Variants in PCNX2 observed in about 807,000 individuals in gnomAD.
PCNX2 encodes the protein pecanex-like protein 2.
In PCNX2, 168 loss-of-function variants were observed where a neutral mutation model predicts 223.8. The ratio of observed to expected loss-of-function variants is 0.75; its 90% CI spans 0.66 to 0.85. The LOEUF (loss-of-function observed/expected upper bound fraction) is 0.85, where lower values mean the gene tolerates loss of function less well. Among genes scored for constraint, PCNX2 ranks in the 40% least tolerant of loss-of-function variants. The probability of loss-of-function intolerance (pLI) is 0.00; values close to 1 mark genes in which losing one functional copy is unlikely to be tolerated. For missense variants in PCNX2, 2,507 were observed against 2,675.5 expected, an observed-to-expected ratio of 0.94 and a Z score of 1.39; for synonymous variants, 1,006 against 1,052.6, an observed-to-expected ratio of 0.96 and a Z score of 0.86.
intron 21 of PCNX2, among the ~76,000 whole-genome samples, chr1:233,110,353 G>A (rs1219250640): frequency 1.3e-5 from 2 of 152,150 alleles, no homozygotes; most frequent in East Asian, 1.9e-4. Context: ...AGGTCATAGA[G>A]GGACATCTAT....
At chr1:233,137,498 T>C (rs1676878600) in intron 20 of PCNX2, among the ~76,000 whole-genome samples, 1 of 152,248 alleles carries the variant, frequency 6.6e-6, no homozygotes, top group Non-Finnish European at 1.5e-5. Context: ...ATGTTTAACA[T>C]TAAAGGTGTT....
At chr1:233,149,030 G>A (rs1173564433) in intron 19 of PCNX2, among the ~76,000 whole-genome samples, 2 of 152,158 alleles carry the variant, frequency 1.3e-5, no homozygotes, top group African/African-American at 4.8e-5. Context: ...TCCCCAGATT[G>A]TGTTAGGGTT....
chr1:233,111,441 C>T (rs949619721), intron 21 of PCNX2, among the ~76,000 whole-genome samples: 1 of 152,134 alleles, frequency 6.6e-6, no homozygotes, highest in African/African-American at 2.4e-5. Flanking sequence ...CAGAGTCTTG[C>T]TCTGTTGTCC....
In PCNX2 at chr1:233,001,110, T is replaced by G. The variant is rs1413319784; in HGVS notation, c.5097+427A>C. On this transcript the variant is annotated intron_variant, in intron 29 of 33. Coordinates refer to ENST00000258229, the MANE Select transcript of PCNX2 (RefSeq NM_014801.4). This position sits in a 1 kb window ranked among gnomAD's most constrained non-coding sequence, Gnocchi z 4.2. ...GTGCAGTGGCGCAATCATAGATCAC[T>G]GCAGCCTGAAACTCCCGGGCTCAAG... Among the ~76,000 whole-genome samples the G allele has an allele frequency of 6.6e-6, 1 of 152,090 alleles. No individual in the cohort carries two copies. Among genetic ancestry groups the G allele is most frequent in the Non-Finnish European group, 1.5e-5 (1 of 67,996 alleles).
intron 22 of PCNX2, among the ~76,000 whole-genome samples, chr1:233,091,558 T>C (rs745567634): frequency 1.3e-5 from 2 of 152,058 alleles, no homozygotes; most frequent in East Asian, 1.9e-4. Flanking sequence ...TACATTTTCG[T>C]AGATTTAAAA....
intron 1 of PCNX2, chr1:233,288,769 G>A: frequency 1.6e-6 from 1 of 633,236 alleles, no homozygotes; most frequent in Non-Finnish European, 2.7e-6. Flanking sequence ...TGAGTCTGTA[G>A]TTCTTTTGGA....
rs1659845407 is a variant in PCNX2 at position 233,258,296 on chromosome 1, G to T, written c.1566C>A (p.Ser522Arg). The T allele has an allele frequency of 6.8e-6, 11 of 1,613,870 alleles. No individual in the cohort carries two copies. The highest frequency in any genetic ancestry group is 9.3e-6 in the Non-Finnish European group (11 of 1,179,888). Residue 522 changes from serine (S) to arginine (R), a missense_variant, in exon 5 of 34, where the codon AGC becomes AGA. By Grantham distance (110) the Ser-to-Arg change is moderately radical. Around this residue, in one of 3 missense-constraint regions of PCNX2, gnomAD observed 1,031 missense variants for 1,021.7 expected, o/e 1.01. Coordinates refer to ENST00000258229, the MANE Select transcript of PCNX2 (RefSeq NM_014801.4). ...TNLDPSSCKS[S>R]HEKRHARVLS... Reference sequence around the variant, plus strand: ...GCACCCGGGCATGCCTCTTTTCATGGCTGGACTTACAAGACGATGGGTCAA... The same window carrying T: ...GCACCCGGGCATGCCTCTTTTCATGTCTGGACTTACAAGACGATGGGTCAA...
At chr1:233,128,383 G>A (rs1201565956) in intron 21 of PCNX2, among the ~76,000 whole-genome samples, 1 of 151,922 alleles carries the variant, frequency 6.6e-6, no homozygotes, top group Non-Finnish European at 1.5e-5. Context: ...CGCCCAGGCT[G>A]GAGTGCAATG....
the PCNX2 span, among the ~76,000 whole-genome samples, chr1:233,310,231 C>T: frequency 2.4e-4 from 37 of 151,988 alleles, no homozygotes. Context: ...TATCTATCAT[C>T]TAGAATTTTA....
rs1677002625 is a variant in PCNX2, at chr1:233,139,772, A to G, written c.3601T>C (p.Leu1201=). ...EKYILYPALI[L]NALTIDAFLI... ...AATGCATCAATAGTGAGGGCATTCA[A>G]AATTAGCGCTGGGTACAAGATGTAT... The change falls in exon 20 of 34, where the codon TTG becomes CTG. Residue 1201 remains leucine (L), a synonymous_variant. Coordinates refer to ENST00000258229, the MANE Select transcript of PCNX2 (RefSeq NM_014801.4). The surrounding 1 kb of genome is among the most constrained non-coding windows in gnomAD (Gnocchi z 4.4). 1.9e-6 allele frequency: 3 copies of G among 1,612,202 alleles called. No homozygotes were observed. The highest frequency in any genetic ancestry group is 1.1e-5 in the South Asian group (1 of 90,588).
In PCNX2 at chr1:233,028,712, CAATTTTTAATTATAGTGATT is replaced by C. The variant is rs531009609; in HGVS notation, c.4352-3333_4352-3314del. 2.5e-3 allele frequency among the ~76,000 whole-genome samples: 377 copies of C among 152,156 alleles called. 1 individual carries two copies. Among genetic ancestry groups the C allele is most frequent in the African/African-American group, 8.6e-3 (357 of 41,516 alleles). On this transcript the variant is annotated intron_variant, in intron 25 of 33. Transcript: ENST00000258229. ...CTTTTTTATCTAGTCTGATGATCTC[CAATTTTTAATTATAGTGATT>C]AATCCATTTACATGTAATGTGGTTA... is the stretch of plus-strand genomic sequence containing the variant.
chr1:233,235,985 T>TATATATATATAA (rs1265599637), intron 9 of PCNX2, among the ~76,000 whole-genome samples: 2 of 143,630 alleles, frequency 1.4e-5, no homozygotes, highest in African/African-American at 5.1e-5. Flanking sequence ...TATATATATA[T>TATATATATATAA]AATTATATTA....
At chr1:233,323,034 G>C in the PCNX2 span, among the ~76,000 whole-genome samples, 1 of 152,090 alleles carries the variant, frequency 6.6e-6, no homozygotes, top group African/African-American at 2.4e-5. Context: ...CAAAGCCTGG[G>C]AAGAAGTATC....
chr1:233,315,866 G>T, the PCNX2 span, among the ~76,000 whole-genome samples: 2 of 152,012 alleles, frequency 1.3e-5, no homozygotes, highest in Non-Finnish European at 1.5e-5. Flanking sequence ...TTTCTAGCAG[G>T]TTGTGAAGAA....
rs372255532 is a variant in PCNX2 at position 233,179,047 on chromosome 1, A to G, written c.3176+19T>C. Reference sequence around the variant, plus strand: ...GCCCCCAGCTCAGTGATGAGAGAGCACAGGCATAGACCACTCACATGAGTA... The same window carrying G: ...GCCCCCAGCTCAGTGATGAGAGAGCGCAGGCATAGACCACTCACATGAGTA... On this transcript the variant is annotated intron_variant, in intron 16 of 33. Transcript: ENST00000258229. The G allele has an allele frequency of 2.5e-6, 4 of 1,601,746 alleles. No individual in the cohort carries two copies. Among genetic ancestry groups the G allele is most frequent in the Non-Finnish European group, 3.4e-6 (4 of 1,170,282 alleles).
chr1:233,016,439 G>C (rs555721874), intron 27 of PCNX2, among the ~76,000 whole-genome samples: 69 of 152,140 alleles, frequency 4.5e-4, no homozygotes, highest in African/African-American at 1.0e-3. Flanking sequence ...CTAAGAGGCA[G>C]GATTCACTTC....
At chr1:233,122,715 G>T (rs571397024) in intron 21 of PCNX2, among the ~76,000 whole-genome samples, 4 of 152,010 alleles carry the variant, frequency 2.6e-5, no homozygotes, top group African/African-American at 9.6e-5. Context: ...TAGAGACGGG[G>T]TTCCACCATG....
chr1:233,326,923 A>T, the PCNX2 span, among the ~76,000 whole-genome samples: 10 of 152,178 alleles, frequency 6.6e-5, no homozygotes, highest in African/African-American at 2.4e-4. Context: ...GACAGTAAAA[A>T]TAAGCAAAGG....
At chr1:233,261,572 AGAAG>A (rs1290610316) in intron 3 of PCNX2, among the ~76,000 whole-genome samples, 1 of 152,252 alleles carries the variant, frequency 6.6e-6, no homozygotes, top group Non-Finnish European at 1.5e-5. Flanking sequence ...AAGTAAGCAA[AGAAG>A]GAAGAAGCCA....
Sources: allele counts gnomAD v4.1 joint callset (sites outside exome capture counted in the v4.1 genomes callset), GRCh38; gene constraint gnomAD v4.1.1; regional missense constraint gnomAD v4.1.1; non-coding constraint Gnocchi (gnomAD v3.1); transcripts MANE v1.5; gene names NCBI Gene and HGNC (gene_info 2026-07-23, HGNC 2026-07-21).